The following ABCC2 variants were observed in gnomAD, a reference collection of about 807,000 sequenced individuals.
The protein encoded by ABCC2 is ATP-binding cassette sub-family C member 2.
A neutral mutation model predicts 173.4 loss-of-function variants in ABCC2; 157 were observed. The observed-to-expected ratio is 0.91, with a 90% CI of 0.80 to 1.03. The LOEUF is 1.03. Ranked by LOEUF, ABCC2 falls within the 50% of genes least tolerant of loss-of-function variation. The probability of loss-of-function intolerance (pLI) is 0.00; values close to 1 mark genes in which losing one functional copy is unlikely to be tolerated. For synonymous variants in ABCC2, 657 were observed against 693.5 expected, an observed-to-expected ratio of 0.95 and a Z score of 0.83; for missense variants, 1,822 against 1,852.3, an observed-to-expected ratio of 0.98 and a Z score of 0.30.
Position 99,830,707 on chromosome 10 carries a change from C to T in ABCC2, c.2748-9C>T. On this transcript the variant is annotated splice_polypyrimidine_tract_variant and intron_variant, in intron 20 of 31. Coordinates refer to ENST00000647814, the MANE Select transcript of ABCC2 (RefSeq NM_000392.5). ...TGCCTGCATGCTCAGGGAAGCTTCC[C>T]TCTCTCAGTTCTAGGTCCAATGGCA... The T allele has an allele frequency of 6.2e-7, 1 of 1,614,074 alleles. No homozygotes were observed. Among genetic ancestry groups the T allele is most frequent in the Non-Finnish European group, 8.5e-7 (1 of 1,179,998 alleles).
intron 9 of ABCC2, among the ~76,000 whole-genome samples, chr10:99,803,167 C>T (rs1411584168): frequency 6.6e-6 from 1 of 152,098 alleles, no homozygotes; most frequent in Non-Finnish European, 1.5e-5. Context: ...TGGGGTTTCG[C>T]CATATTGGCC....
intron 22 of ABCC2, 41 bp downstream of exon 22, chr10:99,831,871 A>G (rs1474379514): frequency 9.9e-6 from 16 of 1,613,150 alleles, no homozygotes; most frequent in Non-Finnish European, 1.3e-5. Flanking sequence ...ATCTGTCTGG[A>G]CCCTGTACTT....
At chr10:99,783,680 G>A (rs2037655447) in intron 1 of ABCC2, among the ~76,000 whole-genome samples, 1 of 152,182 alleles carries the variant, frequency 6.6e-6, no homozygotes, top group Non-Finnish European at 1.5e-5. Flanking sequence ...ATATAGAGGT[G>A]AGAGGGGCAG....
chr10:99,831,577 G>C (rs76672487), intron 21 of ABCC2, 34 bp from the exon 22 acceptor site: 3 of 1,586,000 alleles, frequency 1.9e-6, no homozygotes, highest in Non-Finnish European at 1.7e-6. Flanking sequence ...AGCCATTAGG[G>C]AGTTCTACTA....
chr10:99,850,727 A>T lies in ABCC2; in HGVS notation c.4439A>T (p.Gln1480Leu). Residue 1480 changes from glutamine (Q) to leucine (L), a missense_variant, in exon 31 of 32, where the codon CAA becomes CTA. Transcript: ENST00000647814. ...GACAACCTCATTCAGACGACCATCC[A>T]AAACGAGTTCGCCCACTGCACAGTG... Reference protein sequence around the residue: ...ETDNLIQTTIQNEFAHCTVIT... With the variant: ...ETDNLIQTTILNEFAHCTVIT... 6.2e-7 allele frequency: 1 copy of T among 1,614,230 alleles called. No homozygotes were observed. The highest frequency in any genetic ancestry group is 1.1e-5 in the South Asian group (1 of 91,084).
rs1050811209 is a variant in ABCC2, at chr10:99,847,089, G to A, written c.4275G>A (p.Gly1425=). ...CTTTTGTGGCCAGCCTGCAACTTGG[G>A]TTATCCCACGAAGTGACAGAGGCTG... ...LKSFVASLQL[G]LSHEVTEAGG... Residue 1425 remains glycine (G), a synonymous_variant, in exon 30 of 32, where the codon GGG becomes GGA. Coordinates refer to ENST00000647814, the MANE Select transcript of ABCC2 (RefSeq NM_000392.5). The A allele has an allele frequency of 1.2e-6, 2 of 1,614,020 alleles. No homozygotes were observed. Among genetic ancestry groups the A allele is most frequent in the African/African-American group, 1.3e-5 (1 of 74,908 alleles).
chr10:99,794,273 CAT>C, intron 5 of ABCC2, 138 bp from the exon 6 acceptor site: 1 of 855,814 alleles, frequency 1.2e-6, no homozygotes, highest in Non-Finnish European at 1.9e-6. Context: ...CAAATAAACA[CAT>C]GTTGATAAGC....
chr10:99,816,067 C>T (rs1447533684), intron 16 of ABCC2, among the ~76,000 whole-genome samples: 1 of 150,564 alleles, frequency 6.6e-6, no homozygotes, highest in Non-Finnish European at 1.5e-5. Flanking sequence ...CTCCTGGGTT[C>T]AAGCAATTCT....
At chr10:99,818,997 G>A (rs2038476377) in intron 18 of ABCC2, 40 bp downstream of exon 18, 4 of 1,611,270 alleles carry the variant, frequency 2.5e-6, no homozygotes, top group Admixed American at 3.3e-5. Flanking sequence ...TAAAGGTGGG[G>A]TGGGAGGGAG....
intron 11 of ABCC2, 117 bp from the exon 12 acceptor site, chr10:99,807,267 T>A: frequency 7.6e-7 from 1 of 1,321,410 alleles, no homozygotes; most frequent in Non-Finnish European, 1.1e-6. Flanking sequence ...TACTTTATAA[T>A]CTGGATTTCT....
At chr10:99,826,577 AT>A (rs908242682) in intron 19 of ABCC2, among the ~76,000 whole-genome samples, 2 of 148,292 alleles carry the variant, frequency 1.3e-5, no homozygotes, top group Non-Finnish European at 3.0e-5. Flanking sequence ...CAATGGCCTC[AT>A]TTTGCATTAA....
At chr10:99,848,733 G>A (rs574567142) in intron 30 of ABCC2, among the ~76,000 whole-genome samples, 11 of 152,316 alleles carry the variant, frequency 7.2e-5, no homozygotes, top group South Asian at 4.1e-4. Context: ...AAGCTTTAAA[G>A]CTCCCAACGC....
At chr10:99,815,502 G>A (rs964586383) in intron 16 of ABCC2, among the ~76,000 whole-genome samples, 1 of 150,864 alleles carries the variant, frequency 6.6e-6, no homozygotes, top group African/African-American at 2.4e-5. Context: ...GGCTAATTAT[G>A]CTTTTTTTTT....
At chr10:99,822,334 G>A (rs2038553277) in intron 19 of ABCC2, among the ~76,000 whole-genome samples, 1 of 151,706 alleles carries the variant, frequency 6.6e-6, no homozygotes, top group Non-Finnish European at 1.5e-5. Flanking sequence ...TTGTGCCCAA[G>A]TTGGCGGCTC....
chr10:99,844,952 G>T (rs888276675), intron 28 of ABCC2, among the ~76,000 whole-genome samples: 30 of 152,262 alleles, frequency 2.0e-4, no homozygotes, highest in African/African-American at 5.8e-4. Context: ...TCAGAGTCTG[G>T]CTCTCAGCTG....
Position 99,836,282 on chromosome 10 carries a change from C to T in ABCC2, c.3606C>T (p.Thr1202=), listed in dbSNP as rs1381586264. Residue 1202 remains threonine, a synonymous_variant, in exon 25 of 32, where the codon ACC becomes ACT. Coordinates refer to ENST00000647814, the MANE Select transcript of ABCC2 (RefSeq NM_000392.5). ...TNQKCVFSWI[T]SNRWLAIRLE... ...AGAAATGTGTCTTTTCCTGGATCAC[C>T]TCCAACAGGTGAGGCTTCCCCTGGG... 3 of 1,614,064 alleles carry T rather than the reference C, an allele frequency of 1.9e-6. No homozygotes were observed. In the African/African-American group the frequency reaches 4.0e-5, roughly 22 times the overall value.
At chr10:99,835,159 T>C (rs2038800491) in intron 24 of ABCC2, among the ~76,000 whole-genome samples, 2 of 152,180 alleles carry the variant, frequency 1.3e-5, no homozygotes, top group African/African-American at 2.4e-5. Context: ...GTGGAGGAAC[T>C]CTGGTCCCAC....
At chr10:99,845,085 A>G (rs1485145940) in intron 28 of ABCC2, among the ~76,000 whole-genome samples, 2 of 152,108 alleles carry the variant, frequency 1.3e-5, no homozygotes, top group Non-Finnish European at 2.9e-5. Context: ...GCTGGAGTGC[A>G]GTGGCACAAT....
In ABCC2 at chr10:99,804,240, T is replaced by C. The variant is rs774099874; in HGVS notation, c.1431T>C (p.Asn477=). The part of the protein sequence containing the change: ...VGVMVLVIPI[N]AILSTKSKTI... ...TGATGGTGCTTGTAATCCCAATTAA[T>C]GCGATACTGTCCACCAAGAGTAAGA... Residue 477 remains asparagine, a synonymous_variant, in exon 10 of 32, where the codon AAT becomes AAC. Coordinates refer to ENST00000647814, the MANE Select transcript of ABCC2 (RefSeq NM_000392.5). 3.7e-6 allele frequency: 6 copies of C among 1,614,104 alleles called. No homozygotes were observed. In the South Asian group the frequency reaches 6.6e-5, roughly 18 times the overall value.
Sources: gnomAD v4.1 joint callset for allele counts (sites outside exome capture counted in the v4.1 genomes callset) on GRCh38, gnomAD v4.1.1 for gene constraint, MANE v1.5 for transcripts, NCBI Gene and HGNC (gene_info 2026-07-23, HGNC 2026-07-21) for gene names.